Variants in APP observed in about 807,000 individuals in gnomAD.
The protein encoded by APP is amyloid-beta precursor protein.
A neutral mutation model predicts 101.4 loss-of-function variants in APP; 31 were observed. The ratio of observed to expected loss-of-function variants is 0.31; its 90% confidence interval spans 0.23 to 0.41. The LOEUF is 0.41. Among genes scored for constraint, APP ranks in the 10% least tolerant of loss-of-function variants. APP has a pLI of 1.00. For synonymous variants in APP, 366 were observed against 364.4 expected (o/e 1.00, Z -0.05); for missense variants, 839 against 1,003.7 (o/e 0.84, Z 2.22).
chr21:26,127,087 T>C (rs1425974503), intron 1 of APP, among the ~76,000 whole-genome samples: 8 of 152,134 alleles, frequency 5.3e-5, no homozygotes, highest in African/African-American at 1.9e-4. Flanking sequence ...CCCATAATTA[T>C]TTCATATAAA....
chr21:26,152,284 CAAA>C (rs1161739630), intron 1 of APP, among the ~76,000 whole-genome samples: 1 of 36,198 alleles, frequency 2.8e-5, no homozygotes, highest in Non-Finnish European at 4.5e-5. Context: ...GACTCCATCT[CAAA>C]AAAAAAAAAA....
intron 1 of APP, among the ~76,000 whole-genome samples, chr21:26,145,951 C>T (rs962544696): frequency 6.7e-6 from 1 of 149,944 alleles, no homozygotes; most frequent in African/African-American, 2.4e-5. Flanking sequence ...ACAAATAATG[C>T]TCTCATAATA....
chr21:26,119,309 A>T (rs1397004175), intron 1 of APP, among the ~76,000 whole-genome samples: 1 of 152,208 alleles, frequency 6.6e-6, no homozygotes, highest in Non-Finnish European at 1.5e-5. Flanking sequence ...TAAAAAAATT[A>T]CTTTTAGAGC....
chr21:26,164,073 C>A (rs533544191), intron 1 of APP, among the ~76,000 whole-genome samples: 1 of 151,964 alleles, frequency 6.6e-6, no homozygotes, highest in Non-Finnish European at 1.5e-5. Flanking sequence ...AGTGAAACCC[C>A]GTCTCTACTA....
rs2044352352 is a variant in APP at position 26,021,833 on chromosome 21, G to A, written c.865+7C>T. 2 of 1,612,700 alleles carry A rather than the reference G, an allele frequency of 1.2e-6. No homozygotes were observed. Among genetic ancestry groups the A allele is most frequent in the African/African-American group, 1.3e-5 (1 of 74,950 alleles). ...GGTGGGGGGAATCCAAGCAAATGGT[G>A]GATTACCTCGAACCACCTCTTCCAC... On this transcript the variant is annotated splice_region_variant and intron_variant, in intron 6 of 17. Transcript: ENST00000346798.
intron 5 of APP, among the ~76,000 whole-genome samples, chr21:26,040,626 G>A (rs898168636): frequency 2.1e-4 from 31 of 147,672 alleles, no homozygotes; most frequent in African/African-American, 7.5e-4. Flanking sequence ...AAAAAAAGCT[G>A]AGTGTGGAAG....
At chr21:25,964,433 T>C (rs950393529) in intron 11 of APP, among the ~76,000 whole-genome samples, 1 of 152,090 alleles carries the variant, frequency 6.6e-6, no homozygotes, top group African/African-American at 2.4e-5. Flanking sequence ...AGGAGAAAAA[T>C]TAACTCCAAT....
chr21:25,906,843 T>C (rs1379413750), intron 14 of APP, among the ~76,000 whole-genome samples: 1 of 151,860 alleles, frequency 6.6e-6, no homozygotes, highest in Non-Finnish European at 1.5e-5. Context: ...AACGCGTACC[T>C]TGAAGTGGTG....
intron 2 of APP, among the ~76,000 whole-genome samples, chr21:26,111,087 T>TAAAAA (rs576900084): frequency 1.6e-3 from 141 of 88,272 alleles, no homozygotes; most frequent in Non-Finnish European, 2.1e-3. Flanking sequence ...AAAGTTAAGT[T>TAAAAA]AAAAAAAAAA....
intron 1 of APP, among the ~76,000 whole-genome samples, chr21:26,152,916 G>C (rs926844608): frequency 2.0e-5 from 3 of 152,202 alleles, no homozygotes; most frequent in African/African-American, 7.2e-5. Flanking sequence ...CTAATGAGAG[G>C]ATAAAGAAGA....
chr21:25,912,904 A>G lies in APP; in HGVS notation c.1688-942T>C, dbSNP rs1039226112. Among the ~76,000 whole-genome samples, 13 of 152,174 alleles carry G rather than the reference A, an allele frequency of 8.5e-5. No homozygotes were observed. In the South Asian group the frequency reaches 1.2e-3, roughly 15 times the overall value. On this transcript the variant is annotated intron_variant, in intron 13 of 17. Transcript: ENST00000346798. The stretch of plus-strand genomic sequence containing the variant: ...TTTGTGAGTCTTCTCTTATGTCACC[A>G]AAGATTCACCATGTTTTTCTCTGAT...
chr21:26,047,544 G>A (rs2045660756), intron 5 of APP, among the ~76,000 whole-genome samples: 1 of 152,142 alleles, frequency 6.6e-6, no homozygotes. Context: ...AGGGCTACAG[G>A]AAAAGAAGTT....
At chr21:26,141,667 AAT>A (rs1291273338) in intron 1 of APP, among the ~76,000 whole-genome samples, 3 of 152,186 alleles carry the variant, frequency 2.0e-5, no homozygotes, top group Admixed American at 2.0e-4. Flanking sequence ...CATATTAATA[AAT>A]ACTTGCTGAG....
intron 17 of APP, among the ~76,000 whole-genome samples, chr21:25,886,268 A>G (rs2037319502): frequency 6.6e-6 from 1 of 152,162 alleles, no homozygotes; most frequent in Non-Finnish European, 1.5e-5. Context: ...AGTTGTATAG[A>G]TGCTTGTTTT....
At chr21:26,159,955 C>T (rs1042925038) in intron 1 of APP, among the ~76,000 whole-genome samples, 9 of 152,146 alleles carry the variant, frequency 5.9e-5, no homozygotes, top group Non-Finnish European at 1.2e-4. Context: ...GGAAAGTCAG[C>T]CTCCAATTTT....
At chr21:26,023,324 G>GT (rs1013534355) in intron 5 of APP, among the ~76,000 whole-genome samples, 1 of 147,030 alleles carries the variant, frequency 6.8e-6, no homozygotes, top group Non-Finnish European at 1.5e-5. Flanking sequence ...GAGGCCAGGA[G>GT]TTTGAGACCA....
intron 13 of APP, among the ~76,000 whole-genome samples, chr21:25,951,820 A>G (rs2041089187): frequency 6.6e-6 from 1 of 152,230 alleles, no homozygotes. Context: ...TTAAGCAATT[A>G]GCACCCCTGG....
At chr21:26,110,175 T>G (rs2062279682) in intron 2 of APP, among the ~76,000 whole-genome samples, 1 of 152,232 alleles carries the variant, frequency 6.6e-6, no homozygotes, top group Non-Finnish European at 1.5e-5. Context: ...CCATACGTGG[T>G]AGCTCACGGC....
intron 17 of APP, among the ~76,000 whole-genome samples, chr21:25,887,909 G>C (rs9976453): frequency 0.8 from 122,217 of 152,170 alleles, 49,205 homozygotes; most frequent in African/African-American, 0.85. Context: ...GTTCTCTCCA[G>C]TGTGAAGTGG....
Sources: gnomAD v4.1 joint callset for allele counts (sites outside exome capture counted in the v4.1 genomes callset) on GRCh38, gnomAD v4.1.1 for gene constraint, MANE v1.5 for transcripts, NCBI Gene and HGNC (gene_info 2026-07-23, HGNC 2026-07-21) for gene names.